Variants in FAT3 observed in about 807,000 individuals in gnomAD.
FAT3 encodes the protein FAT atypical cadherin 3.
A neutral mutation model predicts 310.2 loss-of-function variants in FAT3; 95 were observed. The observed-to-expected ratio is 0.31, with a 90% CI of 0.26 to 0.36. The LOEUF is 0.36. Ranked by LOEUF, FAT3 falls within the 10% of genes least tolerant of loss-of-function variation. The probability of loss-of-function intolerance (pLI) is 1.00; values close to 1 mark genes in which losing one functional copy is unlikely to be tolerated. For synonymous variants in FAT3, 2,314 were observed against 2,192.9 expected (o/e 1.06, Z -1.54); for missense variants, 5,408 against 5,715.6 (o/e 0.95, Z 1.74).
chr11:92,533,684 G>A (rs747670839), intron 3 of FAT3, among the ~76,000 whole-genome samples: 1 of 152,104 alleles, frequency 6.6e-6, no homozygotes, highest in Non-Finnish European at 1.5e-5. Context: ...CTTCCCCAAC[G>A]CAGGGGCAGC....
At chr11:92,288,110 A>G (rs1349806059) in intron 1 of FAT3, among the ~76,000 whole-genome samples, 1 of 152,116 alleles carries the variant, frequency 6.6e-6, no homozygotes, top group Non-Finnish European at 1.5e-5. Flanking sequence ...AAAAAACATG[A>G]TATGTACGTA....
intron 3 of FAT3, among the ~76,000 whole-genome samples, chr11:92,665,771 T>C (rs1942929529): frequency 6.6e-6 from 1 of 152,232 alleles, no homozygotes; most frequent in Non-Finnish European, 1.5e-5. Context: ...AGAACTTTTA[T>C]GTTCATATTA....
At chr11:92,492,598 TAGGA>T (rs912712599) in intron 2 of FAT3, among the ~76,000 whole-genome samples, 6 of 152,016 alleles carry the variant, frequency 3.9e-5, no homozygotes, top group Non-Finnish European at 5.9e-5. Context: ...GTTTGGAAGA[TAGGA>T]AGGTTGATAA....
At chr11:92,445,267 G>T (rs1478867127) in intron 2 of FAT3, among the ~76,000 whole-genome samples, 1 of 152,144 alleles carries the variant, frequency 6.6e-6, no homozygotes, top group Non-Finnish European at 1.5e-5. Context: ...CTGTGTTTTA[G>T]AATCACTTTA....
At chr11:92,347,540 C>T (rs979661756) in intron 1 of FAT3, among the ~76,000 whole-genome samples, 2 of 152,144 alleles carry the variant, frequency 1.3e-5, no homozygotes, top group Admixed American at 6.6e-5. Flanking sequence ...CCAAAGCAAG[C>T]ATAGGTACCC....
intron 2 of FAT3, among the ~76,000 whole-genome samples, chr11:92,385,713 T>C (rs138484893): frequency 2.6e-5 from 4 of 152,342 alleles, no homozygotes; most frequent in East Asian, 3.9e-4. Flanking sequence ...CATTTTCTTA[T>C]CTGTTTTTAC....
At chr11:92,706,075 G>A (rs879720348) in intron 4 of FAT3, among the ~76,000 whole-genome samples, 13 of 151,620 alleles carry the variant, frequency 8.6e-5, no homozygotes, top group Non-Finnish European at 1.3e-4. Context: ...AGTGACGACT[G>A]TGATGGTGGA....
chr11:92,447,183 G>A (rs1019692115), intron 2 of FAT3, among the ~76,000 whole-genome samples: 2 of 151,424 alleles, frequency 1.3e-5, no homozygotes, highest in East Asian at 2.0e-4. Flanking sequence ...ATATGTGTGT[G>A]TATATGTGTG....
At chr11:92,331,785 G>A (rs1393429294) in intron 1 of FAT3, among the ~76,000 whole-genome samples, 1 of 152,162 alleles carries the variant, frequency 6.6e-6, no homozygotes, top group Non-Finnish European at 1.5e-5. Context: ...TAGAAAAGTT[G>A]TTGACTAAAA....
rs762649895 is a variant in FAT3, at chr11:92,799,789, G to C, written c.6776G>C (p.Arg2259Thr). The change falls in exon 10 of 28, where the codon AGA (arginine) becomes ACA (threonine). Residue 2259 changes from arginine to threonine, a missense_variant. Arg to Thr is a moderately conservative substitution (Grantham distance 71, BLOSUM62 -1). Coordinates refer to ENST00000525166, the MANE Select transcript of FAT3 (RefSeq NM_001367949.2). Reference sequence around the variant, plus strand: ...ACATCTGCTTACAAGCTGACAATAAGAGCCAGCGACGCCCTTACTGGTGCT... The same window carrying C: ...ACATCTGCTTACAAGCTGACAATAACAGCCAGCGACGCCCTTACTGGTGCT... Reference protein sequence around the residue: ...EVTSAYKLTIRASDALTGARA... With the variant: ...EVTSAYKLTITASDALTGARA... 34 of 1,612,750 alleles carry C rather than the reference G, an allele frequency of 2.1e-5. No individual in the cohort carries two copies. Among genetic ancestry groups the C allele is most frequent in the Non-Finnish European group, 2.2e-5 (26 of 1,179,416 alleles).
intron 4 of FAT3, 50 bp from the exon 5 acceptor site, chr11:92,761,806 T>C (rs2136082914): frequency 6.5e-7 from 1 of 1,542,622 alleles, no homozygotes; most frequent in Non-Finnish European, 8.8e-7. Flanking sequence ...TAACATGTAA[T>C]AGCAAGAATA....
At chr11:92,821,709 C>T (rs1947972331) in intron 13 of FAT3, among the ~76,000 whole-genome samples, 2 of 152,160 alleles carry the variant, frequency 1.3e-5, no homozygotes, top group Non-Finnish European at 2.9e-5. Context: ...TCTGGATGCT[C>T]CCACCTATAG....
chr11:92,303,782 G>T (rs1040200823), intron 1 of FAT3, among the ~76,000 whole-genome samples: 1 of 152,118 alleles, frequency 6.6e-6, no homozygotes, highest in African/African-American at 2.4e-5. Context: ...AAAGAGGTGG[G>T]TTAGATTCGC....
chr11:92,717,128 C>T (rs1289840362), intron 4 of FAT3, among the ~76,000 whole-genome samples: 4 of 152,088 alleles, frequency 2.6e-5, no homozygotes, highest in Non-Finnish European at 4.4e-5. Flanking sequence ...GAATGTCTTG[C>T]GTACAGTAAT....
At position 92,886,773 on chromosome 11, in the gene FAT3, G is replaced by T. The variant is rs1949806395; in HGVS notation, c.12938-227G>T. The stretch of plus-strand genomic sequence containing the variant: ...ACTTTTGGCTGTCAGCTGTTTGGAA[G>T]CTCATTTACTATGGGCTAAGGGTTT... On this transcript the variant is annotated intron_variant, in intron 24 of 27. Transcript: ENST00000525166. 4 of 465,558 alleles carry T rather than the reference G, an allele frequency of 8.6e-6. No homozygotes were observed. In the South Asian group the frequency reaches 9.9e-5, roughly 12 times the overall value. 28.8% of individuals were successfully genotyped at this position (465,558 alleles called of 1,614,324 possible). A position where few individuals can be genotyped will look rare whatever the true frequency, so the allele number is the denominator to read the frequency against.
chr11:92,583,517 C>T (rs991773796), intron 3 of FAT3, among the ~76,000 whole-genome samples: 8 of 151,948 alleles, frequency 5.3e-5, no homozygotes, highest in African/African-American at 1.4e-4. Flanking sequence ...TTAGCAAAAC[C>T]GCAAAGTATA....
At chr11:92,793,032 A>G (rs1016174594) in intron 9 of FAT3, 55 bp downstream of exon 9, 20 of 1,539,626 alleles carry the variant, frequency 1.3e-5, no homozygotes, top group Non-Finnish European at 1.8e-5. Flanking sequence ...TTCGACCCTC[A>G]GTAGTATTTA....
At chr11:92,563,647 C>T (rs1363106582) in intron 3 of FAT3, among the ~76,000 whole-genome samples, 1 of 151,946 alleles carries the variant, frequency 6.6e-6, no homozygotes, top group Non-Finnish European at 1.5e-5. Flanking sequence ...GCTTAAAATT[C>T]ATACCCTCAA....
In FAT3 at chr11:92,565,264, C is replaced by T. The variant is rs184090923; in HGVS notation, c.3607+40316C>T. Among the ~76,000 whole-genome samples, 269 of 151,674 alleles carry T rather than the reference C, an allele frequency of 1.8e-3. 2 individuals carry two copies. The highest frequency in any genetic ancestry group is 8.5e-4 in the Non-Finnish European group (58 of 67,910). ...TCAGAGATTACTACAAACACCTCTA[C>T]GCAAATAAACTAGAAAATCTAGAAG... On this transcript the variant is annotated intron_variant, in intron 3 of 27. Coordinates refer to ENST00000525166, the MANE Select transcript of FAT3 (RefSeq NM_001367949.2).
Sources: allele counts gnomAD v4.1 joint callset (sites outside exome capture counted in the v4.1 genomes callset), GRCh38; gene constraint gnomAD v4.1.1; transcripts MANE v1.5; gene names NCBI Gene and HGNC (gene_info 2026-07-23, HGNC 2026-07-21).